ATE1: variants seen among roughly 807,000 people sequenced by gnomAD.
ATE1 encodes the protein arginyltransferase 1.
A neutral mutation model predicts 70.5 loss-of-function variants in ATE1; 36 were observed. The observed-to-expected ratio is 0.51, with a 90% CI of 0.39 to 0.67. The LOEUF (loss-of-function observed/expected upper bound fraction) is 0.67. ATE1 is among the 30% of genes least tolerant of loss of function. ATE1 has a pLI of 0.00. For missense variants in ATE1, 593 were observed against 629.5 expected (o/e 0.94, Z 0.62); for synonymous variants, 232 against 219.3 (o/e 1.06, Z -0.51).
At chr10:121,864,438 G>A (rs979552487) in intron 8 of ATE1, among the ~76,000 whole-genome samples, 4 of 152,238 alleles carry the variant, frequency 2.6e-5, no homozygotes, top group African/African-American at 9.7e-5. Context: ...CACCTGCTGA[G>A]TGTCCCAGTT....
intron 11 of ATE1, among the ~76,000 whole-genome samples, chr10:121,766,262 T>C (rs1402043422): frequency 1.3e-5 from 2 of 152,160 alleles, no homozygotes; most frequent in Admixed American, 6.5e-5. Context: ...ATATTCTTCA[T>C]GGTGGAGTCA....
chr10:121,821,506 G>T (rs1214849519), intron 10 of ATE1, among the ~76,000 whole-genome samples: 4 of 152,182 alleles, frequency 2.6e-5, no homozygotes, highest in Non-Finnish European at 5.9e-5. Flanking sequence ...ATGGGCAAAA[G>T]ACTTGAAAGA....
intron 10 of ATE1, among the ~76,000 whole-genome samples, chr10:121,827,641 C>T (rs988014541): frequency 6.6e-6 from 1 of 152,224 alleles, no homozygotes; most frequent in African/African-American, 2.4e-5. Context: ...TACAATAGCT[C>T]ATGTGAGCAA....
intron 8 of ATE1, among the ~76,000 whole-genome samples, chr10:121,856,215 G>A (rs1450481289): frequency 6.6e-6 from 1 of 151,992 alleles, no homozygotes. Context: ...TATAATACAT[G>A]AGTGGATTTT....
At chr10:121,841,707 G>A (rs1278378992) in intron 8 of ATE1, among the ~76,000 whole-genome samples, 1 of 152,138 alleles carries the variant, frequency 6.6e-6, no homozygotes, top group African/African-American at 2.4e-5. Flanking sequence ...ATAAGAGGGA[G>A]CTAAGCTATG....
At chr10:121,829,637 G>A (rs1948158623) in intron 10 of ATE1, among the ~76,000 whole-genome samples, 1 of 151,334 alleles carries the variant, frequency 6.6e-6, no homozygotes, top group African/African-American at 2.4e-5. Flanking sequence ...AAACCTAGAG[G>A]GGCGGAGGTT....
intron 10 of ATE1, among the ~76,000 whole-genome samples, chr10:121,821,953 G>A (rs758221303): frequency 3.9e-5 from 6 of 152,254 alleles, no homozygotes; most frequent in South Asian, 2.1e-4. Context: ...CAGTGGGATC[G>A]CAAATTAGTA....
chr10:121,859,767 C>A (rs1395046037), intron 8 of ATE1, among the ~76,000 whole-genome samples: 3 of 151,706 alleles, frequency 2.0e-5, no homozygotes, highest in Admixed American at 2.0e-4. Flanking sequence ...CATGGTGAAA[C>A]CCTGTCTCTA....
chr10:121,903,186 G>A (rs1590681393), intron 5 of ATE1, among the ~76,000 whole-genome samples: 1 of 145,708 alleles, frequency 6.9e-6, no homozygotes, highest in East Asian at 2.4e-4. Context: ...ACCAGGCCCG[G>A]CCCAAATATC....
At chr10:121,895,436 C>G (rs143060895) in intron 7 of ATE1, among the ~76,000 whole-genome samples, 32 of 152,062 alleles carry the variant, frequency 2.1e-4, no homozygotes, top group African/African-American at 6.5e-4. Context: ...GGCGAAACCC[C>G]ATCTCTACTA....
At chr10:121,830,014 C>A (rs1007287548) in intron 10 of ATE1, among the ~76,000 whole-genome samples, 4 of 152,238 alleles carry the variant, frequency 2.6e-5, no homozygotes, top group Admixed American at 2.0e-4. Context: ...TCTAGACCTT[C>A]AATTTGCAAT....
At chr10:121,822,295 T>C (rs1438925110) in intron 10 of ATE1, among the ~76,000 whole-genome samples, 2 of 152,184 alleles carry the variant, frequency 1.3e-5, no homozygotes, top group Non-Finnish European at 2.9e-5. Flanking sequence ...ACAAAGTACA[T>C]TGAATGCTTC....
intron 10 of ATE1, among the ~76,000 whole-genome samples, chr10:121,791,021 T>G (rs1309519569): frequency 6.6e-6 from 1 of 150,932 alleles, no homozygotes; most frequent in Non-Finnish European, 1.5e-5. Flanking sequence ...TATACATGTG[T>G]GTATATATGT....
At chr10:121,900,677 A>G (rs1950945255) in intron 6 of ATE1, among the ~76,000 whole-genome samples, 1 of 152,258 alleles carries the variant, frequency 6.6e-6, no homozygotes, top group South Asian at 2.1e-4. Flanking sequence ...ATGCAATGCA[A>G]TGAAAACAGC....
intron 11 of ATE1, among the ~76,000 whole-genome samples, chr10:121,789,918 A>C (rs1394354236): frequency 2.1e-5 from 3 of 145,834 alleles, no homozygotes; most frequent in Non-Finnish European, 4.5e-5. Flanking sequence ...AGCATATAAA[A>C]ACTAATCTAA....
At chr10:121,830,851 C>A (rs1039150544) in intron 10 of ATE1, among the ~76,000 whole-genome samples, 1 of 152,056 alleles carries the variant, frequency 6.6e-6, no homozygotes, top group Non-Finnish European at 1.5e-5. Context: ...CGGAATTCCC[C>A]CTCCCAAGAA....
At chr10:121,867,863 G>A (rs1283317694) in intron 8 of ATE1, among the ~76,000 whole-genome samples, 1 of 152,136 alleles carries the variant, frequency 6.6e-6, no homozygotes, top group Non-Finnish European at 1.5e-5. Context: ...TCTATCATAT[G>A]GCTGTGTCAT....
intron 10 of ATE1, among the ~76,000 whole-genome samples, chr10:121,805,831 C>T (rs1402436246): frequency 6.6e-6 from 1 of 152,130 alleles, no homozygotes; most frequent in African/African-American, 2.4e-5. Flanking sequence ...AGTCTAGCCC[C>T]GCAGACCACT....
chr10:121,819,475 C>A (rs562907460), intron 10 of ATE1, among the ~76,000 whole-genome samples: 1 of 150,832 alleles, frequency 6.6e-6, no homozygotes, highest in Non-Finnish European at 1.5e-5. Flanking sequence ...GAGGCCGAGG[C>A]GGCCGGATCA....
Sources: gnomAD v4.1 joint callset for allele counts (sites outside exome capture counted in the v4.1 genomes callset) on GRCh38, gnomAD v4.1.1 for gene constraint, MANE v1.5 for transcripts, NCBI Gene and HGNC (gene_info 2026-07-23, HGNC 2026-07-21) for gene names.